The following DNAJA4 variants were observed in gnomAD, a reference collection of about 807,000 sequenced individuals.
The protein encoded by DNAJA4 is DnaJ heat shock protein family (Hsp40) member A4.
In DNAJA4, 32 loss-of-function variants were observed where a neutral mutation model predicts 39.7. The ratio of observed to expected loss-of-function variants is 0.81; its 90% confidence interval spans 0.61 to 1.08. The LOEUF (loss-of-function observed/expected upper bound fraction) is 1.08. DNAJA4 is among the 50% of genes least tolerant of loss of function. The pLI is 0.00. For missense variants in DNAJA4, 439 were observed against 505.1 expected, an observed-to-expected ratio of 0.87 and a Z score of 1.25; for synonymous variants, 184 against 182.4, an observed-to-expected ratio of 1.01 and a Z score of -0.07.
At chr15:78,264,434 G>C, upstream of DNAJA4, 2 of 1,336,744 alleles carry the variant, frequency 1.5e-6, no homozygotes, top group Non-Finnish European at 1.9e-6. Context: ...CGGGGGTCTG[G>C]GCCGCGAACC....
intron 1 of DNAJA4, among the ~76,000 whole-genome samples, chr15:78,265,275 A>C (rs2049090277): frequency 6.6e-6 from 1 of 152,170 alleles, no homozygotes; most frequent in Non-Finnish European, 1.5e-5. Flanking sequence ...GGCACACACA[A>C]ACAGTTGTTT....
intron 4 of DNAJA4, chr15:78,275,042 C>A (rs111753185): frequency 0.032 from 5,640 of 176,134 alleles, 133 homozygotes; most frequent in Middle Eastern, 0.069. Context: ...AACAGCCAAA[C>A]CGACACAGGT....
chr15:78,266,215 T>A (rs747945944), intron 1 of DNAJA4: 2 of 1,613,640 alleles, frequency 1.2e-6, no homozygotes, highest in African/African-American at 2.7e-5. Context: ...GGCTTCTAAT[T>A]TCACATTTCA....
At chr15:78,266,633 A>G (rs1205756398) in intron 1 of DNAJA4, among the ~76,000 whole-genome samples, 3 of 152,248 alleles carry the variant, frequency 2.0e-5, no homozygotes, top group Non-Finnish European at 2.9e-5. Context: ...AACATCTTCC[A>G]GGAGGCTGCC....
intron 4 of DNAJA4, chr15:78,275,287 A>T (rs928481626): frequency 3.5e-6 from 2 of 567,220 alleles, no homozygotes; most frequent in East Asian, 2.9e-5. Flanking sequence ...CTCCCTGTGC[A>T]TGCTGGGCTT....
In DNAJA4 at chr15:78,274,796, C is replaced by A. The variant is rs891513859; in HGVS notation, c.646+372C>A. The A allele has an allele frequency of 1.0e-4, 31 of 308,640 alleles. 1 individual carries two copies. Among genetic ancestry groups the A allele is most frequent in the Non-Finnish European group, 3.7e-5 (6 of 160,938 alleles). 19.1% of individuals were successfully genotyped at this position (308,640 alleles called of 1,614,324 possible). A position where few individuals can be genotyped will look rare whatever the true frequency, so the allele number is the denominator to read the frequency against. On this transcript the variant is annotated intron_variant, in intron 4 of 6. Coordinates refer to ENST00000394852, the MANE Select transcript of DNAJA4 (RefSeq NM_001130182.2). ...CCTGGTCGCTTCTGATGCTCATTGG[C>A]CATAAGGGCTTGTGTAAGTGTTTGT... is the stretch of plus-strand genomic sequence containing the variant.
intron 5 of DNAJA4, among the ~76,000 whole-genome samples, chr15:78,277,556 G>A (rs903379018): frequency 2.0e-5 from 3 of 152,204 alleles, no homozygotes; most frequent in South Asian, 4.1e-4. Flanking sequence ...CAGACCACTG[G>A]TTGTGAGCTC....
At chr15:78,277,974 C>T (rs888430362) in intron 5 of DNAJA4, 4 of 447,408 alleles carry the variant, frequency 8.9e-6, no homozygotes, top group African/African-American at 6.1e-5. Flanking sequence ...TTTTCTTCAC[C>T]CCTCTTTTGT....
At position 78,281,111 on chromosome 15, in the gene DNAJA4, C is replaced by G. The variant is rs1294418516; in HGVS notation, c.*651C>G. 2.0e-5 allele frequency: 3 copies of G among 152,756 alleles called. No individual in the cohort carries two copies. Among genetic ancestry groups the G allele is most frequent in the Admixed American group, 6.5e-5 (1 of 15,298 alleles). The allele number at this position is 152,756 out of a possible 1,614,324, so 9.5% of individuals were successfully genotyped here. On this transcript the variant is annotated 3_prime_UTR_variant, in exon 7 of 7. Coordinates refer to ENST00000394852, the MANE Select transcript of DNAJA4 (RefSeq NM_001130182.2). ...TTGGAAGTTTTCTGAACCTTCCAAG[C>G]TCTGTGGTGAGGACAAACCAGTGTT...
intron 1 of DNAJA4, chr15:78,266,068 C>G (rs926722279): frequency 1.8e-5 from 11 of 621,888 alleles, no homozygotes; most frequent in East Asian, 2.8e-5. Context: ...CACTTGCGTT[C>G]TTTCTCATCT....
chr15:78,268,933 GTGTTAAAGC>G (rs2049219130), intron 1 of DNAJA4, among the ~76,000 whole-genome samples: 1 of 152,218 alleles, frequency 6.6e-6, no homozygotes, highest in Non-Finnish European at 1.5e-5. Flanking sequence ...TGGGTTTGCA[GTGTTAAAGC>G]TGGATCACCA....
At position 78,270,585 on chromosome 15, in the gene DNAJA4, A is replaced by T; in HGVS notation, c.221A>T (p.Glu74Val). ...CAAGGCGGAGAGCAGGCAATTAAAGAAGGAGGCTCAGGCAGCCCCAGCTTC... is the reference window on the plus strand; with the variant it reads ...CAAGGCGGAGAGCAGGCAATTAAAGTAGGAGGCTCAGGCAGCCCCAGCTTC... ...YDQGGEQAIK[E>V]GGSGSPSFSS... Residue 74 changes from glutamate to valine, a missense_variant, in exon 2 of 7, where the codon GAA (glutamate) becomes GTA (valine). Physicochemically the swap from Glu to Val is moderately radical, Grantham distance 121 (BLOSUM62 -2). Coordinates refer to ENST00000394852, the MANE Select transcript of DNAJA4 (RefSeq NM_001130182.2). 1 of 1,614,220 alleles carries T rather than the reference A, an allele frequency of 6.2e-7. No individual in the cohort carries two copies. The highest frequency in any genetic ancestry group is 8.5e-7 in the Non-Finnish European group (1 of 1,180,036).
intron 4 of DNAJA4, chr15:78,275,271 C>G (rs2049420067): frequency 3.7e-6 from 2 of 547,932 alleles, no homozygotes; most frequent in Non-Finnish European, 3.3e-6. Flanking sequence ...GAGCCGCATT[C>G]CCCCACTCCC....
At chr15:78,270,422 AT>A in intron 1 of DNAJA4, 74 bp from the exon 2 acceptor site, 1 of 1,476,304 alleles carries the variant, frequency 6.8e-7, no homozygotes, top group Non-Finnish European at 9.2e-7. Context: ...ATTACTTTGT[AT>A]GTTTATATGG....
rs887758459 is a variant in DNAJA4, at chr15:78,281,929, C to T, written c.*1469C>T. 6 of 152,154 alleles carry T rather than the reference C, an allele frequency of 3.9e-5. No individual in the cohort carries two copies. The East Asian group carries it at 9.6e-4, about 24-fold the overall frequency. The allele number at this position is 152,154 out of a possible 1,614,324, so 9.4% of individuals were successfully genotyped here. A position where few individuals can be genotyped will look rare whatever the true frequency, so the allele number is the denominator to read the frequency against. On this transcript the variant is annotated 3_prime_UTR_variant, in exon 7 of 7. Transcript: ENST00000394852. Reference sequence around the variant, plus strand: ...AACAGCCCACCTGTGCCCACTTTGACCATTGGTGAGGATAGATATAAAATC... The same window carrying T: ...AACAGCCCACCTGTGCCCACTTTGATCATTGGTGAGGATAGATATAAAATC...
chr15:78,271,258 C>T (rs1269903882), intron 2 of DNAJA4, among the ~76,000 whole-genome samples: 2 of 152,204 alleles, frequency 1.3e-5, no homozygotes, highest in African/African-American at 4.8e-5. Context: ...TTCATCGTGC[C>T]TTCTTTTCCT....
Position 78,265,518 on chromosome 15 carries a change from C to G in DNAJA4, c.132+623C>G. ...CTGCAACCTGACATCAGCTTGTACT[C>G]ATATTCTGGGTTTTCGGTGACAAGT... On this transcript the variant is annotated intron_variant, in intron 1 of 6. Coordinates refer to ENST00000394852, the MANE Select transcript of DNAJA4 (RefSeq NM_001130182.2). 3 of 702,338 alleles carry G rather than the reference C, an allele frequency of 4.3e-6. No homozygotes were observed. In the South Asian group the frequency reaches 4.4e-5, roughly 10 times the overall value. 43.5% of individuals were successfully genotyped at this position (702,338 alleles called of 1,614,324 possible).
Position 78,274,944 on chromosome 15 carries a change from C to T in DNAJA4, c.646+520C>T, listed in dbSNP as rs533590672. 3.9e-5 allele frequency: 7 copies of T among 178,798 alleles called. No individual in the cohort carries two copies. In the East Asian group the frequency reaches 7.7e-4, roughly 20 times the overall value. The allele number at this position is 178,798 out of a possible 1,614,324, so 11.1% of individuals were successfully genotyped here. The stretch of plus-strand genomic sequence containing the variant: ...ATTTTAAGGCCTTTTTCCATTTTAG[C>T]TGTCCTCCAAGTATTCCGATGATTC... On this transcript the variant is annotated intron_variant, in intron 4 of 6. Coordinates refer to ENST00000394852, the MANE Select transcript of DNAJA4 (RefSeq NM_001130182.2).
rs557528562 is a variant in DNAJA4 at position 78,281,308 on chromosome 15, G to A, written c.*848G>A. 6.5e-6 allele frequency: 1 copy of A among 152,774 alleles called. No homozygotes were observed. The highest frequency in any genetic ancestry group is 2.4e-5 in the African/African-American group (1 of 41,564). 9.5% of individuals were successfully genotyped at this position (152,774 alleles called of 1,614,324 possible). Reference sequence around the variant, plus strand: ...GCCTCAGTGCAGCAACAGAAGCCAAGGGAGAATGCTGCTGGTTTGGCCCAT... The same window carrying A: ...GCCTCAGTGCAGCAACAGAAGCCAAAGGAGAATGCTGCTGGTTTGGCCCAT... On this transcript the variant is annotated 3_prime_UTR_variant, in exon 7 of 7. Coordinates refer to ENST00000394852, the MANE Select transcript of DNAJA4 (RefSeq NM_001130182.2).
Sources: gnomAD v4.1 joint callset for allele counts (sites outside exome capture counted in the v4.1 genomes callset) on GRCh38, gnomAD v4.1.1 for gene constraint, MANE v1.5 for transcripts, NCBI Gene and HGNC (gene_info 2026-07-23, HGNC 2026-07-21) for gene names.